SOX6: variants seen among roughly 807,000 people sequenced by gnomAD.
SOX6 encodes the protein SRY-box transcription factor 6.
SOX6 carries 11 observed loss-of-function variants against 97.8 expected under a neutral mutation model. The ratio of observed to expected loss-of-function variants is 0.11; its 90% CI spans 0.07 to 0.19. The LOEUF is 0.19. SOX6 is among the 10% of genes least tolerant of loss of function. SOX6 has a pLI of 1.00. For missense variants in SOX6, 810 were observed against 1,039.5 expected (o/e 0.78, Z 3.04); for synonymous variants, 360 against 371.4 (o/e 0.97, Z 0.35).
intron 3 of SOX6, among the ~76,000 whole-genome samples, chr11:16,262,670 T>C (rs945441436): frequency 1.3e-5 from 2 of 152,054 alleles, no homozygotes. Flanking sequence ...ACATATGAAA[T>C]TATGTTTTCC....
At chr11:16,179,870 A>G (rs1851302316) in intron 6 of SOX6, among the ~76,000 whole-genome samples, 1 of 151,912 alleles carries the variant, frequency 6.6e-6, no homozygotes, top group Admixed American at 6.6e-5. Context: ...TAACTCTAAA[A>G]TTGGAGTCTG....
chr11:16,685,434 G>T (rs2134032578), intron 3 of SOX6, among the ~76,000 whole-genome samples: 1 of 152,318 alleles, frequency 6.6e-6, no homozygotes, highest in African/African-American at 2.4e-5. Context: ...TGTTCCAAAA[G>T]GGAGAAACTG....
At chr11:16,213,262 A>G (rs531855008) in intron 4 of SOX6, among the ~76,000 whole-genome samples, 9 of 152,162 alleles carry the variant, frequency 5.9e-5, no homozygotes, top group African/African-American at 2.2e-4. Context: ...TATAAATGCA[A>G]ATAGTTCTCT....
At chr11:16,411,276 G>C (rs939340045) in intron 1 of SOX6, among the ~76,000 whole-genome samples, 1 of 152,134 alleles carries the variant, frequency 6.6e-6, no homozygotes, top group Non-Finnish European at 1.5e-5. Flanking sequence ...GGCTTTTTCA[G>C]TTTTGGCTTG....
intron 1 of SOX6, among the ~76,000 whole-genome samples, chr11:16,445,996 T>C (rs1035291519): frequency 6.6e-6 from 1 of 152,102 alleles, no homozygotes; most frequent in African/African-American, 2.4e-5. Flanking sequence ...AATAGATTCC[T>C]TTCTGAAAGT....
At chr11:16,085,028 A>G (rs1280292695) in intron 9 of SOX6, among the ~76,000 whole-genome samples, 1 of 152,186 alleles carries the variant, frequency 6.6e-6, no homozygotes, top group Non-Finnish European at 1.5e-5. Context: ...ATTTCAACAA[A>G]GCTTCTGTCT....
intron 3 of SOX6, among the ~76,000 whole-genome samples, chr11:16,282,486 T>C (rs1036458780): frequency 2.0e-5 from 3 of 151,694 alleles, no homozygotes; most frequent in African/African-American, 7.2e-5. Flanking sequence ...CAGGAATTTC[T>C]TGAATATGCA....
intron 2 of SOX6, among the ~76,000 whole-genome samples, chr11:16,735,397 TCAGCCAAAATGAACTGTTCTA>T (rs2134062469): frequency 6.6e-6 from 1 of 152,286 alleles, no homozygotes; most frequent in Non-Finnish European, 1.5e-5. Flanking sequence ...CCAATTTCCC[TCAGCCAAAATGAACTGTTCTA>T]CAGCATTTTA....
At chr11:16,238,288 T>C (rs1488561287) in intron 3 of SOX6, among the ~76,000 whole-genome samples, 1 of 152,038 alleles carries the variant, frequency 6.6e-6, no homozygotes, top group Non-Finnish European at 1.5e-5. Flanking sequence ...TTAAAGCTTT[T>C]CTCTTTCAAG....
intron 3 of SOX6, among the ~76,000 whole-genome samples, chr11:16,651,944 A>G (rs369430436): frequency 1.3e-5 from 2 of 152,186 alleles, no homozygotes; most frequent in African/African-American, 2.4e-5. Flanking sequence ...TATGTACACA[A>G]ATCATTAGCA....
At chr11:16,472,858 G>GT in intron 1 of SOX6, among the ~76,000 whole-genome samples, 1 of 151,862 alleles carries the variant, frequency 6.6e-6, no homozygotes, top group East Asian at 1.9e-4. Context: ...CTTTATAGCA[G>GT]TACACTAACA....
rs183681700 is a variant in SOX6, at chr11:16,146,992, C to T, written c.778-35069G>A. ...TAGAAATACCATTTGACCCAGCCAT[C>T]CCATTACTGGGTATATACCCAAAGG... On this transcript the variant is annotated intron_variant, in intron 6 of 15. Transcript: ENST00000683767. Among the ~76,000 whole-genome samples, 577 of 152,304 alleles carry T rather than the reference C, an allele frequency of 3.8e-3. 1 individual carries two copies. The highest frequency in any genetic ancestry group is 7.1e-3 in the Non-Finnish European group (483 of 68,030).
intron 9 of SOX6, among the ~76,000 whole-genome samples, chr11:16,086,669 C>T (rs1392634395): frequency 6.6e-6 from 1 of 152,036 alleles, no homozygotes; most frequent in Non-Finnish European, 1.5e-5. Flanking sequence ...ATAAGACAGG[C>T]CCAGAAACTC....
intron 6 of SOX6, among the ~76,000 whole-genome samples, chr11:16,144,953 T>G (rs369031629): frequency 1.3e-5 from 2 of 152,088 alleles, no homozygotes; most frequent in Non-Finnish European, 2.9e-5. Context: ...CCTTCTGAAA[T>G]TATTCCAATC....
intron 4 of SOX6, among the ~76,000 whole-genome samples, chr11:16,191,035 A>G (rs1186405473): frequency 6.6e-6 from 1 of 152,238 alleles, no homozygotes; most frequent in Non-Finnish European, 1.5e-5. Context: ...CAAAGGAACT[A>G]CAATTGTAAG....
At chr11:16,433,878 T>C (rs1859318901) in intron 1 of SOX6, among the ~76,000 whole-genome samples, 1 of 152,090 alleles carries the variant, frequency 6.6e-6, no homozygotes, top group African/African-American at 2.4e-5. Flanking sequence ...TTGTAGCTAA[T>C]ATTCAGTAGC....
At chr11:16,080,410 A>G (rs1274391952) in intron 9 of SOX6, among the ~76,000 whole-genome samples, 2 of 152,130 alleles carry the variant, frequency 1.3e-5, no homozygotes, top group Non-Finnish European at 2.9e-5. Flanking sequence ...ACATTTCCAC[A>G]TCTGTGAAAA....
chr11:16,557,347 C>T (rs542695885), intron 4 of SOX6, among the ~76,000 whole-genome samples: 1 of 151,880 alleles, frequency 6.6e-6, no homozygotes, highest in East Asian at 1.9e-4. Context: ...CTCCCTATCT[C>T]ACACCCTAAA....
At chr11:16,642,768 G>A (rs879911818) in intron 3 of SOX6, among the ~76,000 whole-genome samples, 21 of 152,100 alleles carry the variant, frequency 1.4e-4, no homozygotes, top group Non-Finnish European at 2.8e-4. Flanking sequence ...GCTCTATCAG[G>A]TCCTTTAAGG....
Sources: allele counts gnomAD v4.1 joint callset (sites outside exome capture counted in the v4.1 genomes callset), GRCh38; gene constraint gnomAD v4.1.1; transcripts MANE v1.5; gene names NCBI Gene and HGNC (gene_info 2026-07-23, HGNC 2026-07-21).